The following ARHGEF3 variants were observed in gnomAD, a reference collection of about 807,000 sequenced individuals.
ARHGEF3 encodes the protein 59.8 kDA protein.
ARHGEF3 carries 28 observed loss-of-function variants against 63.2 expected under a neutral mutation model. That is an observed-to-expected ratio of 0.44 (90% CI 0.33 to 0.61). The LOEUF (loss-of-function observed/expected upper bound fraction) is 0.61. ARHGEF3 is among the 20% of genes least tolerant of loss of function. The probability of loss-of-function intolerance (pLI) is 0.03; values close to 1 mark genes in which losing one functional copy is unlikely to be tolerated. For synonymous variants in ARHGEF3, 266 were observed against 254.2 expected, an observed-to-expected ratio of 1.05 and a Z score of -0.44; for missense variants, 533 against 659.3, an observed-to-expected ratio of 0.81 and a Z score of 2.10.
intron 2 of ARHGEF3, among the ~76,000 whole-genome samples, chr3:57,013,922 G>A (rs1483372345): frequency 5.9e-5 from 9 of 152,190 alleles, no homozygotes; most frequent in East Asian, 5.8e-4. Flanking sequence ...AGCCAGCAGC[G>A]GCAACTCTTT....
chr3:56,855,740 C>G (rs987063354), intron 4 of ARHGEF3, among the ~76,000 whole-genome samples: 4 of 151,954 alleles, frequency 2.6e-5, no homozygotes, highest in East Asian at 1.9e-4. Flanking sequence ...TCTCCTACCC[C>G]CTGTAAATGA....
At chr3:57,044,328 T>C (rs1052218465) in intron 1 of ARHGEF3, among the ~76,000 whole-genome samples, 2 of 151,696 alleles carry the variant, frequency 1.3e-5, no homozygotes, top group African/African-American at 2.4e-5. Context: ...CTTGGGGGGG[T>C]TGGCCATTCG....
At chr3:56,813,290 T>C (rs1194778310) in intron 4 of ARHGEF3, among the ~76,000 whole-genome samples, 1 of 152,220 alleles carries the variant, frequency 6.6e-6, no homozygotes, top group Non-Finnish European at 1.5e-5. Flanking sequence ...GGCTGGGTTT[T>C]TATGATTCAT....
At chr3:56,819,188 C>T (rs2038376638) in intron 4 of ARHGEF3, among the ~76,000 whole-genome samples, 1 of 152,100 alleles carries the variant, frequency 6.6e-6, no homozygotes, top group African/African-American at 2.4e-5. Context: ...TCATAATAGG[C>T]ACTCAATAAA....
At position 56,729,322 on chromosome 3, in the gene ARHGEF3, T is replaced by C. The variant is rs767151649; in HGVS notation, c.1529A>G (p.Glu510Gly). 11 of 1,614,130 alleles carry C rather than the reference T, an allele frequency of 6.8e-6. No homozygotes were observed. In the South Asian group the frequency reaches 1.1e-4, roughly 16 times the overall value. Residue 510 changes from glutamate (E) to glycine (G), a missense_variant, in exon 10 of 10, where the codon GAA (glutamate) becomes GGA (glycine). Glu to Gly is a moderately conservative substitution (Grantham distance 98). Transcript: ENST00000296315. ...SEVSLDCERM[E>G]QTDSSCGNSR... Reference sequence around the variant, plus strand: ...GTTTCCACAGGAAGAGTCTGTCTGTTCCATGCGCTCACAGTCGAGGCTGAC... The same window carrying C: ...GTTTCCACAGGAAGAGTCTGTCTGTCCCATGCGCTCACAGTCGAGGCTGAC...
chr3:56,792,497 G>A (rs981371700), intron 1 of ARHGEF3, among the ~76,000 whole-genome samples: 3 of 152,174 alleles, frequency 2.0e-5, no homozygotes, highest in Admixed American at 1.3e-4. Flanking sequence ...ATGCTAGACT[G>A]GAACCAAACC....
At chr3:57,042,692 A>ATTTTTTTTTT (rs1447905041) in intron 1 of ARHGEF3, among the ~76,000 whole-genome samples, 5 of 23,950 alleles carry the variant, frequency 2.1e-4, no homozygotes, top group African/African-American at 2.7e-4. Flanking sequence ...ATATATATAT[A>ATTTTTTTTTT]TATATATATT....
intron 4 of ARHGEF3, among the ~76,000 whole-genome samples, chr3:56,820,712 C>A (rs1021993227): frequency 1.3e-5 from 2 of 152,078 alleles, no homozygotes; most frequent in African/African-American, 2.4e-5. Flanking sequence ...TGTACAAGGA[C>A]GTCTTTGAGA....
intron 4 of ARHGEF3, chr3:56,882,238 T>C: frequency 6.7e-7 from 1 of 1,494,610 alleles, no homozygotes; most frequent in Non-Finnish European, 9.1e-7. Flanking sequence ...CAAATAACCT[T>C]CGGAGAAGAG....
intron 1 of ARHGEF3, among the ~76,000 whole-genome samples, chr3:57,067,868 T>C (rs6445850): frequency 0.87 from 131,705 of 151,234 alleles, 57,402 homozygotes; most frequent in East Asian, 0.96. Context: ...CGGGCTCCTG[T>C]GGTCCCAGCT....
intron 2 of ARHGEF3, among the ~76,000 whole-genome samples, chr3:56,991,611 A>AGTTTT (rs144344535): frequency 0.023 from 3,472 of 152,156 alleles, 139 homozygotes; most frequent in African/African-American, 0.08. Flanking sequence ...GACATTAATC[A>AGTTTT]GTTTTGTTTT....
chr3:56,836,031 T>G (rs2039096185), intron 4 of ARHGEF3, among the ~76,000 whole-genome samples: 1 of 152,196 alleles, frequency 6.6e-6, no homozygotes, highest in African/African-American at 2.4e-5. Flanking sequence ...GTGGTAAAAA[T>G]GACCTTCGTG....
At chr3:56,808,101 G>T (rs2037929736) in intron 4 of ARHGEF3, among the ~76,000 whole-genome samples, 1 of 150,488 alleles carries the variant, frequency 6.6e-6, no homozygotes, top group South Asian at 2.1e-4. Context: ...TCTAGCCTGG[G>T]TGACAAAGTT....
chr3:56,858,029 G>T (rs952217426), intron 4 of ARHGEF3, among the ~76,000 whole-genome samples: 1 of 152,070 alleles, frequency 6.6e-6, no homozygotes. Context: ...GACTGCTTGA[G>T]CCCAGGAGTT....
At chr3:56,791,868 A>G in intron 1 of ARHGEF3, among the ~76,000 whole-genome samples, 1 of 18,102 alleles carries the variant, frequency 5.5e-5, no homozygotes, top group Middle Eastern at 0.056. Flanking sequence ...AGCAAAATTA[A>G]AAAAAAAAAA....
At chr3:56,737,088 C>A in intron 8 of ARHGEF3, 97 bp downstream of exon 8, 1 of 1,339,198 alleles carries the variant, frequency 7.5e-7, no homozygotes, top group South Asian at 1.6e-5. Context: ...AAGAACATGA[C>A]CCTAGATAGG....
intron 2 of ARHGEF3, among the ~76,000 whole-genome samples, chr3:56,973,320 T>C (rs981011194): frequency 8.6e-5 from 13 of 151,968 alleles, no homozygotes; most frequent in African/African-American, 3.1e-4. Flanking sequence ...CCTGGCATGA[T>C]GAACATATTT....
chr3:56,881,874 T>A (rs1415476055), intron 4 of ARHGEF3, among the ~76,000 whole-genome samples: 2 of 152,234 alleles, frequency 1.3e-5, no homozygotes, highest in Non-Finnish European at 2.9e-5. Context: ...AGCCACTCAC[T>A]CCACTATGCT....
chr3:56,971,923 G>GT (rs1700929151), intron 2 of ARHGEF3, among the ~76,000 whole-genome samples: 1 of 151,002 alleles, frequency 6.6e-6, no homozygotes, highest in Admixed American at 6.6e-5. Flanking sequence ...ACCCCACCTG[G>GT]TGTGGTTCCC....
Sources: allele counts gnomAD v4.1 joint callset (sites outside exome capture counted in the v4.1 genomes callset), GRCh38; gene constraint gnomAD v4.1.1; transcripts MANE v1.5; gene names NCBI Gene and HGNC (gene_info 2026-07-23, HGNC 2026-07-21).